ZC2HC1A: variants seen among roughly 807,000 people sequenced by gnomAD.
ZC2HC1A encodes the protein zinc finger C2HC domain-containing protein 1A.
In ZC2HC1A, 28 loss-of-function variants were observed where a neutral mutation model predicts 40.7. The ratio of observed to expected loss-of-function variants is 0.69; its 90% CI spans 0.51 to 0.94. The LOEUF (loss-of-function observed/expected upper bound fraction) is 0.94. Ranked by LOEUF, ZC2HC1A falls within the 40% of genes least tolerant of loss-of-function variation. The pLI, the probability that ZC2HC1A is intolerant of heterozygous loss-of-function variation, is 0.00. For missense variants in ZC2HC1A, 389 were observed against 386.3 expected (o/e 1.01, Z -0.06); for synonymous variants, 129 against 129.2 (o/e 1.00, Z 0.01).
chr8:78,682,196 C>T (rs972639494), intron 3 of ZC2HC1A, among the ~76,000 whole-genome samples: 8 of 152,054 alleles, frequency 5.3e-5, no homozygotes, highest in Non-Finnish European at 8.8e-5. Flanking sequence ...GTGGAGGACA[C>T]TAGAGGCAGT....
intron 5 of ZC2HC1A, among the ~76,000 whole-genome samples, chr8:78,696,587 T>C (rs1810422836): frequency 6.6e-6 from 1 of 152,088 alleles, no homozygotes. Flanking sequence ...GAAAGTAAAA[T>C]AAAATTAATA....
At chr8:78,717,047 C>T (rs1057415153) in intron 8 of ZC2HC1A, among the ~76,000 whole-genome samples, 1 of 152,046 alleles carries the variant, frequency 6.6e-6, no homozygotes, top group African/African-American at 2.4e-5. Context: ...ATTACCCAGT[C>T]TCAGGTAGTT....
At position 78,699,514 on chromosome 8, in the gene ZC2HC1A, A is replaced by G. The variant is rs144865911; in HGVS notation, c.704+1001A>G. On this transcript the variant is annotated intron_variant, in intron 7 of 8. Coordinates refer to ENST00000263849, the MANE Select transcript of ZC2HC1A (RefSeq NM_016010.3). ...AGGGATACAAGTGCAGGTTTGTTAC[A>G]TAGGTAAACTTGTGTCATAGGGAGT... is the stretch of plus-strand genomic sequence containing the variant. 3.5e-3 allele frequency among the ~76,000 whole-genome samples: 534 copies of G among 152,190 alleles called. 4 individuals carry two copies. Among genetic ancestry groups the G allele is most frequent in the African/African-American group, 0.01 (425 of 41,518 alleles).
intron 7 of ZC2HC1A, among the ~76,000 whole-genome samples, chr8:78,706,809 G>T (rs1161268770): frequency 1.3e-5 from 2 of 151,944 alleles, no homozygotes; most frequent in African/African-American, 4.8e-5. Flanking sequence ...ACTACATTTT[G>T]CTTCTCAATT....
intron 7 of ZC2HC1A, among the ~76,000 whole-genome samples, chr8:78,701,880 AT>A (rs1339145211): frequency 6.6e-6 from 1 of 152,076 alleles, no homozygotes; most frequent in Non-Finnish European, 1.5e-5. Flanking sequence ...GTGCTGCTGG[AT>A]TTGATTTGCT....
intron 1 of ZC2HC1A, among the ~76,000 whole-genome samples, chr8:78,673,915 G>A (rs1173059106): frequency 6.6e-6 from 1 of 151,666 alleles, no homozygotes; most frequent in African/African-American, 2.4e-5. Flanking sequence ...ATTTTAAAAT[G>A]GTATTGTATC....
At chr8:78,701,438 A>T (rs1810600191) in intron 7 of ZC2HC1A, among the ~76,000 whole-genome samples, 1 of 152,244 alleles carries the variant, frequency 6.6e-6, no homozygotes, top group Non-Finnish European at 1.5e-5. Context: ...GTCATCTGCC[A>T]GCAGGGATAG....
chr8:78,689,034 C>T (rs1585998962), intron 4 of ZC2HC1A, among the ~76,000 whole-genome samples, 188 bp from the exon 5 acceptor site: 1 of 146,168 alleles, frequency 6.8e-6, no homozygotes. Context: ...TACCAGCAGA[C>T]TTTTTTTTTT....
chr8:78,695,032 G>A (rs775058176), intron 5 of ZC2HC1A, among the ~76,000 whole-genome samples: 5 of 152,084 alleles, frequency 3.3e-5, no homozygotes, highest in Non-Finnish European at 2.9e-5. Context: ...TTGTAGAATA[G>A]ATAGAATATA....
Position 78,678,657 on chromosome 8 carries a change from C to T in ZC2HC1A, c.188C>T (p.Thr63Ile). The T allele has an allele frequency of 6.2e-7, 1 of 1,608,904 alleles. No homozygotes were observed. Among genetic ancestry groups the T allele is most frequent in the Non-Finnish European group, 8.5e-7 (1 of 1,178,286 alleles). The change falls in exon 3 of 9, where the codon ACA (threonine) becomes ATA (isoleucine). Residue 63 changes from threonine to isoleucine, a missense_variant. Thr to Ile is a moderately conservative substitution (Grantham distance 89, BLOSUM62 -1). Coordinates refer to ENST00000263849, the MANE Select transcript of ZC2HC1A (RefSeq NM_016010.3). ...RQRAEGTDIP[T>I]VKPLKPRPEP... ...AGAGCTGAAGGAACTGATATTCCAA[C>T]AGTAAAACCTCTCAAACCGAGGGTA...
chr8:78,689,850 T>C (rs931628746), intron 5 of ZC2HC1A, among the ~76,000 whole-genome samples: 1 of 152,178 alleles, frequency 6.6e-6, no homozygotes, highest in Non-Finnish European at 1.5e-5. Context: ...TGATTTATGC[T>C]CCTTATCTTG....
Position 78,715,311 on chromosome 8 carries a change from T to G in ZC2HC1A, c.795T>G (p.Thr265=). 2 of 1,613,410 alleles carry G rather than the reference T, an allele frequency of 1.2e-6. No homozygotes were observed. The highest frequency in any genetic ancestry group is 1.7e-6 in the Non-Finnish European group (2 of 1,179,728). Residue 265 remains threonine, a synonymous_variant, in exon 8 of 9, where the codon ACT becomes ACG. Transcript: ENST00000263849. ...TTACAAACAAAAGAAAAACATATAC[T>G]GAGAGCTACATAGCCAGGTATGTTT... ...GVLTNKRKTY[T]ESYIARPDGD... is the part of the protein sequence containing the mutation.
intron 7 of ZC2HC1A, among the ~76,000 whole-genome samples, chr8:78,712,850 G>C (rs1452236793): frequency 6.6e-6 from 1 of 152,078 alleles, no homozygotes; most frequent in Non-Finnish European, 1.5e-5. Flanking sequence ...GAGTAACTTA[G>C]TTAACTTTTA....
chr8:78,715,023 T>C (rs1366089297), intron 7 of ZC2HC1A, among the ~76,000 whole-genome samples, 198 bp from the exon 8 acceptor site: 1 of 152,202 alleles, frequency 6.6e-6, no homozygotes, highest in Admixed American at 6.5e-5. Context: ...CAGAATAGTA[T>C]TAGTAAATGC....
chr8:78,672,037 T>G (rs1325942807), intron 1 of ZC2HC1A, among the ~76,000 whole-genome samples: 2 of 152,142 alleles, frequency 1.3e-5, no homozygotes, highest in African/African-American at 4.8e-5. Context: ...GTATCTTGCC[T>G]GAGGACTCAT....
chr8:78,698,265 C>G (rs1586013097), intron 6 of ZC2HC1A, 149 bp from the exon 7 acceptor site: 2 of 608,006 alleles, frequency 3.3e-6, no homozygotes, highest in East Asian at 3.1e-5. Context: ...ATGTCGTCCT[C>G]TGGAAATGCC....
intron 7 of ZC2HC1A, among the ~76,000 whole-genome samples, chr8:78,703,390 T>G (rs1810669450): frequency 6.6e-6 from 1 of 152,222 alleles, no homozygotes; most frequent in Non-Finnish European, 1.5e-5. Flanking sequence ...AGTCTCCCAC[T>G]ATTATCGTGT....
At chr8:78,681,281 A>G (rs1266789494) in intron 3 of ZC2HC1A, among the ~76,000 whole-genome samples, 1 of 152,182 alleles carries the variant, frequency 6.6e-6, no homozygotes, top group Admixed American at 6.6e-5. Context: ...AGAAATGAAT[A>G]ATAGAAGCGA....
chr8:78,681,901 C>CTTT (rs56181953), intron 3 of ZC2HC1A, among the ~76,000 whole-genome samples: 105 of 126,450 alleles, frequency 8.3e-4, no homozygotes, highest in African/African-American at 1.0e-3. Context: ...CTTTTTCTTT[C>CTTT]TTTTTTTTTT....
Sources: allele counts gnomAD v4.1 joint callset (sites outside exome capture counted in the v4.1 genomes callset), GRCh38; gene constraint gnomAD v4.1.1; transcripts MANE v1.5; gene names NCBI Gene and HGNC (gene_info 2026-07-23, HGNC 2026-07-21).